The following RYR3 variants were observed in gnomAD, a reference collection of about 807,000 sequenced individuals.
The protein encoded by RYR3 is ryanodine receptor 3.
Under a neutral mutation model 584.3 loss-of-function variants are expected in RYR3, and 207 were observed. That is an observed-to-expected ratio of 0.35 (90% CI 0.32 to 0.40). RYR3 has a LOEUF of 0.40. RYR3 is among the 10% of genes least tolerant of loss of function. The probability of loss-of-function intolerance (pLI) is 1.00; values close to 1 mark genes in which losing one functional copy is unlikely to be tolerated. For missense variants in RYR3, 5,616 were observed against 6,089.2 expected (o/e 0.92, Z 2.59); for synonymous variants, 2,416 against 2,248.5 (o/e 1.07, Z -2.11).
chr15:33,842,627 A>T (rs1179981961), intron 91 of RYR3, among the ~76,000 whole-genome samples: 2 of 152,080 alleles, frequency 1.3e-5, no homozygotes, highest in Non-Finnish European at 2.9e-5. Context: ...CAGTCTGTGG[A>T]TGCTGATTTT....
chr15:33,805,627 G>A (rs368469638), intron 69 of RYR3, among the ~76,000 whole-genome samples: 218 of 151,890 alleles, frequency 1.4e-3, no homozygotes, highest in South Asian at 2.7e-3. Flanking sequence ...ACAGGTGCCC[G>A]CCACCACGCC....
intron 1 of RYR3, among the ~76,000 whole-genome samples, chr15:33,442,548 A>C (rs542733697): frequency 1.3e-5 from 2 of 152,322 alleles, no homozygotes; most frequent in Admixed American, 6.5e-5. Context: ...TGAGTTTGCA[A>C]AGACGTATCA....
Position 33,700,984 on chromosome 15 carries a change from G to T in RYR3, c.6387G>T (p.Pro2129=), listed in dbSNP as rs763959882. Residue 2129 remains proline (P), a synonymous_variant, in exon 42 of 104, where the codon CCG becomes CCT. Coordinates refer to ENST00000634891, the MANE Select transcript of RYR3 (RefSeq NM_001036.6). ...TCTCCCCTCCTCCCTCAGCCTCCCC[G>T]TCGATGAGGGGATCCACCCCGCTGG... is the stretch of plus-strand genomic sequence containing the variant. The part of the protein sequence containing the change: ...LENSSVGLAS[P]SMRGSTPLDV... 6.8e-6 allele frequency: 11 copies of T among 1,611,846 alleles called. No individual in the cohort carries two copies. The African/African-American group carries it at 1.5e-4, about 22-fold the overall frequency.
At chr15:33,558,641 G>C (rs150043162) in intron 10 of RYR3, among the ~76,000 whole-genome samples, 3,738 of 152,228 alleles carry the variant, frequency 0.025, 54 homozygotes, top group Non-Finnish European at 0.035. Context: ...CAGGGATCTA[G>C]AACTAGAAAT....
chr15:33,560,051 A>G (rs1011277366), intron 10 of RYR3, among the ~76,000 whole-genome samples: 6 of 152,216 alleles, frequency 3.9e-5, no homozygotes, highest in African/African-American at 9.6e-5. Flanking sequence ...GATTAGCTCT[A>G]TTTTTTAGAA....
Position 33,750,019 on chromosome 15 carries a change from G to C in RYR3, c.8240G>C (p.Trp2747Ser). 1 of 1,612,450 alleles carries C rather than the reference G, an allele frequency of 6.2e-7. No homozygotes were observed. Among genetic ancestry groups the C allele is most frequent in the Non-Finnish European group, 8.5e-7 (1 of 1,179,414 alleles). The change falls in exon 56 of 104, where the codon TGG (tryptophan) becomes TCG (serine). Residue 2747 changes from tryptophan (W) to serine (S), a missense_variant. This residue lies in a region of RYR3 where 1,280 missense variants were observed against 1,426.2 expected (regional missense o/e 0.90). Transcript: ENST00000634891. ...GTGGCTGAGAACTATCACAATATCTGGGCCAAGAAGAAGAAGCTGGAGCTG... is the reference window on the plus strand; with the variant it reads ...GTGGCTGAGAACTATCACAATATCTCGGCCAAGAAGAAGAAGCTGGAGCTG... ...EVVAENYHNI[W>S]AKKKKLELES...
At chr15:33,577,713 G>C (rs11854221) in intron 12 of RYR3, among the ~76,000 whole-genome samples, 27,068 of 152,062 alleles carry the variant, frequency 0.18, 4,099 homozygotes, top group African/African-American at 0.42. Context: ...CATAAGCAAA[G>C]ATATCATTAT....
chr15:33,543,221 A>ATT (rs141653598), intron 7 of RYR3, among the ~76,000 whole-genome samples: 9 of 151,952 alleles, frequency 5.9e-5, no homozygotes, highest in African/African-American at 2.2e-4. Flanking sequence ...TCTGATTTGG[A>ATT]TTTTTTTTAC....
intron 72 of RYR3, 116 bp downstream of exon 72, chr15:33,811,153 G>A: frequency 1.1e-6 from 1 of 884,532 alleles, no homozygotes; most frequent in South Asian, 1.5e-5. Flanking sequence ...ACAGTTTGGG[G>A]GTATTTGTGT....
At chr15:33,531,148 T>G (rs2054831679) in intron 4 of RYR3, among the ~76,000 whole-genome samples, 1 of 152,096 alleles carries the variant, frequency 6.6e-6, no homozygotes. Context: ...TTTTCAGTCC[T>G]GGAAGAACTT....
At position 33,694,684 on chromosome 15, in the gene RYR3, G is replaced by A. The variant is rs116866001; in HGVS notation, c.5861-1534G>A. On this transcript the variant is annotated intron_variant, in intron 38 of 103. Transcript: ENST00000634891. The stretch of plus-strand genomic sequence containing the variant: ...GGTTTCTGACAAGGAGCCCAGCATA[G>A]CCCTTAAATGACTTTGCCCCTAGAG... Among the ~76,000 whole-genome samples the A allele has an allele frequency of 2.6e-4, 39 of 152,282 alleles. No homozygotes were observed. The East Asian group carries it at 7.3e-3, about 29-fold the overall frequency.
rs143676225 is a variant in RYR3, at chr15:33,550,596, G to C, written c.972+280G>C. On this transcript the variant is annotated intron_variant, in intron 10 of 103. Transcript: ENST00000634891. The stretch of plus-strand genomic sequence containing the variant: ...GGACAGTGTTGCTCAAAGGCTAACG[G>C]AAACTATTGTTGTTGTTTAATGCAT... Among the ~76,000 whole-genome samples, 690 of 152,302 alleles carry C rather than the reference G, an allele frequency of 4.5e-3. 2 individuals are homozygous for C. Among genetic ancestry groups the C allele is most frequent in the Non-Finnish European group, 7.7e-3 (522 of 68,018 alleles).
At chr15:33,699,345 GTC>G (rs1014810097) in intron 40 of RYR3, among the ~76,000 whole-genome samples, 2 of 128,406 alleles carry the variant, frequency 1.6e-5, no homozygotes, top group Non-Finnish European at 3.1e-5. Context: ...TCTCCTCTCT[GTC>G]TCTCCTCTCT....
intron 1 of RYR3, among the ~76,000 whole-genome samples, chr15:33,344,706 G>A (rs1040802263): frequency 9.9e-5 from 15 of 152,090 alleles, no homozygotes; most frequent in African/African-American, 3.6e-4. Flanking sequence ...CCATTGAGAA[G>A]ACGGTTTCTT....
At chr15:33,432,245 CT>C (rs1203130511) in intron 1 of RYR3, among the ~76,000 whole-genome samples, 2 of 152,044 alleles carry the variant, frequency 1.3e-5, no homozygotes, top group African/African-American at 4.8e-5. Context: ...AAAAAGATGA[CT>C]ACTACAGGAG....
At chr15:33,461,006 G>A (rs1351847135) in intron 1 of RYR3, among the ~76,000 whole-genome samples, 8 of 137,650 alleles carry the variant, frequency 5.8e-5, no homozygotes, top group African/African-American at 8.2e-5. Context: ...GTGCAGTGGC[G>A]TGATCTTGGC....
intron 1 of RYR3, among the ~76,000 whole-genome samples, chr15:33,375,748 T>A (rs1181685267): frequency 6.6e-6 from 1 of 152,200 alleles, no homozygotes; most frequent in Non-Finnish European, 1.5e-5. Context: ...TACATCTGTG[T>A]AACCACCAAT....
chr15:33,807,272 C>T (rs2076260565), intron 69 of RYR3, among the ~76,000 whole-genome samples: 1 of 152,132 alleles, frequency 6.6e-6, no homozygotes, highest in African/African-American at 2.4e-5. Context: ...ATCTAAAGAC[C>T]AGCCTGGGTC....
At chr15:33,632,740 C>A (rs2061330918) in intron 23 of RYR3, among the ~76,000 whole-genome samples, 1 of 152,106 alleles carries the variant, frequency 6.6e-6, no homozygotes, top group East Asian at 1.9e-4. Context: ...CTTTGAAATA[C>A]GTTACATATG....
Sources: allele counts gnomAD v4.1 joint callset (sites outside exome capture counted in the v4.1 genomes callset), GRCh38; gene constraint gnomAD v4.1.1; regional missense constraint gnomAD v4.1.1; transcripts MANE v1.5; gene names NCBI Gene and HGNC (gene_info 2026-07-23, HGNC 2026-07-21).